SKIL: variants seen among roughly 807,000 people sequenced by gnomAD.
SKIL encodes the protein ski-like protein.
A neutral mutation model predicts 69.6 loss-of-function variants in SKIL; 20 were observed. The observed-to-expected ratio is 0.29, with a 90% CI of 0.20 to 0.42. The LOEUF (loss-of-function observed/expected upper bound fraction) is 0.42. Among genes scored for constraint, SKIL ranks in the 10% least tolerant of loss-of-function variants. The pLI, the probability that SKIL is intolerant of heterozygous loss-of-function variation, is 1.00. For synonymous variants in SKIL, 310 were observed against 279.9 expected, an observed-to-expected ratio of 1.11 and a Z score of -1.08; for missense variants, 745 against 783.1, an observed-to-expected ratio of 0.95 and a Z score of 0.58.
intron 4 of SKIL, among the ~76,000 whole-genome samples, chr3:170,388,028 T>C (rs1737740027): frequency 6.6e-6 from 1 of 151,380 alleles, no homozygotes; most frequent in Non-Finnish European, 1.5e-5. Flanking sequence ...TTTTTTGGTA[T>C]GTATTTAGGA....
At position 170,360,348 on chromosome 3, in the gene SKIL, C is replaced by T; in HGVS notation, c.17C>T (p.Thr6Ile). The change falls in exon 2 of 7, where the codon ACA (threonine) becomes ATA (isoleucine). Residue 6 changes from threonine (T) to isoleucine (I), a missense_variant. Coordinates refer to ENST00000259119, the MANE Select transcript of SKIL (RefSeq NM_005414.5). ...GAGTGTACCATGGAAAACCTCCAGACAAATTTCTCCTTGGTTCAGGGCTCA... is the reference window on the plus strand; with the variant it reads ...GAGTGTACCATGGAAAACCTCCAGATAAATTTCTCCTTGGTTCAGGGCTCA... MENLQ[T>I]NFSLVQGSTK... is the part of the protein sequence containing the mutation. 6.4e-7 allele frequency: 1 copy of T among 1,559,780 alleles called. No homozygotes were observed.
chr3:170,374,264 GAGGAA>G (rs773322875), intron 2 of SKIL, among the ~76,000 whole-genome samples: 6 of 45,104 alleles, frequency 1.3e-4, no homozygotes, highest in Non-Finnish European at 2.4e-4. Flanking sequence ...TATGACCTAA[GAGGAA>G]AGAACCTTTG....
rs1738112962 is a variant in SKIL at position 170,394,851 on chromosome 3, A to G, written c.*2434A>G. ...TATAGAGATTTTGTAATACCTTATA[A>G]GTGGAGTTGGCTAAAATACCTTATC... On this transcript the variant is annotated 3_prime_UTR_variant, in exon 7 of 7. Transcript: ENST00000259119. 6.6e-6 allele frequency: 1 copy of G among 152,192 alleles called. No individual in the cohort carries two copies. Among genetic ancestry groups the G allele is most frequent in the African/African-American group, 2.4e-5 (1 of 41,452 alleles). The allele number at this position is 152,192 out of a possible 1,614,324, so 9.4% of individuals were successfully genotyped here.
At chr3:170,369,161 C>T (rs1439220629) in intron 2 of SKIL, among the ~76,000 whole-genome samples, 5 of 146,914 alleles carry the variant, frequency 3.4e-5, no homozygotes, top group African/African-American at 7.6e-5. Context: ...GGAAATAGAG[C>T]CTCTTTATTT....
intron 2 of SKIL, among the ~76,000 whole-genome samples, chr3:170,378,143 G>A (rs1053067161): frequency 2.0e-5 from 3 of 152,042 alleles, no homozygotes; most frequent in East Asian, 1.9e-4. Flanking sequence ...TGCCTGCCTT[G>A]GCCTCCCAAA....
At chr3:170,358,210 G>T (rs868260664) in intron 1 of SKIL, among the ~76,000 whole-genome samples, 105 of 152,296 alleles carry the variant, frequency 6.9e-4, no homozygotes, top group African/African-American at 2.4e-3. Context: ...TCTGGCCCGG[G>T]GCTGGCGCGG....
At chr3:170,385,523 G>A (rs1230314287) in intron 4 of SKIL, among the ~76,000 whole-genome samples, 1 of 152,100 alleles carries the variant, frequency 6.6e-6, no homozygotes, top group African/African-American at 2.4e-5. Flanking sequence ...TGAAAGCTCT[G>A]GGGGCCAGGC....
At chr3:170,387,650 G>A (rs1235049962) in intron 4 of SKIL, among the ~76,000 whole-genome samples, 3 of 150,952 alleles carry the variant, frequency 2.0e-5, no homozygotes, top group African/African-American at 4.9e-5. Context: ...TAGGCCGGGC[G>A]CGGTGGCTCA....
chr3:170,367,503 G>T (rs1419644768), intron 2 of SKIL, among the ~76,000 whole-genome samples: 2 of 140,286 alleles, frequency 1.4e-5, no homozygotes, highest in Non-Finnish European at 1.5e-5. Flanking sequence ...TTTCGCCCTT[G>T]TTGCCCAGGC....
At chr3:170,359,555 T>A (rs1410762334) in intron 1 of SKIL, 144 bp from the exon 2 acceptor site, 3 of 150,134 alleles carry the variant, frequency 2.0e-5, no homozygotes, top group Non-Finnish European at 4.4e-5. Context: ...CCGAGATCGC[T>A]GCACTTCAGC....
rs960889280 is a variant in SKIL at position 170,395,074 on chromosome 3, A to C, written c.*2657A>C. ...GCTGCATTAAAGGGACAACCTATAA[A>C]AAGTTTTGCTAGCTCATCTTTAGAA... is the stretch of plus-strand genomic sequence containing the variant. On this transcript the variant is annotated 3_prime_UTR_variant, in exon 7 of 7. Transcript: ENST00000259119. The C allele has an allele frequency of 3.3e-5, 5 of 152,168 alleles. No homozygotes were observed. The highest frequency in any genetic ancestry group is 6.5e-5 in the Admixed American group (1 of 15,276). The allele number at this position is 152,168 out of a possible 1,614,324, so 9.4% of individuals were successfully genotyped here. A position where few individuals can be genotyped will look rare whatever the true frequency, so the allele number is the denominator to read the frequency against.
At chr3:170,366,969 T>C (rs1736561348) in intron 2 of SKIL, among the ~76,000 whole-genome samples, 2 of 152,250 alleles carry the variant, frequency 1.3e-5, no homozygotes, top group African/African-American at 4.8e-5. Context: ...TTGTTGAATA[T>C]TACGTTTGTA....
chr3:170,384,568 C>T lies in SKIL; in HGVS notation c.1232C>T (p.Pro411Leu). ...YLYMCDKVVA[P>L]NVSLTSAVSQ... ...TACATGTGTGATAAAGTGGTTGCCC[C>T]AAATGTGTCACTTACTTCTGCTGTA... Residue 411 changes from proline to leucine, a missense_variant, in exon 4 of 7, where the codon CCA becomes CTA. By Grantham distance (98) the Pro-to-Leu change is moderately conservative (BLOSUM62 -3). Transcript: ENST00000259119. 1.2e-6 allele frequency: 2 copies of T among 1,610,600 alleles called. No individual in the cohort carries two copies. The highest frequency in any genetic ancestry group is 8.5e-7 in the Non-Finnish European group (1 of 1,177,926).
chr3:170,375,336 A>T (rs1366856632), intron 2 of SKIL, among the ~76,000 whole-genome samples: 1 of 152,210 alleles, frequency 6.6e-6, no homozygotes, highest in African/African-American at 2.4e-5. Context: ...TGGCACCTGA[A>T]GTTTAGAGAC....
chr3:170,392,117 G>A (rs1737956828), intron 6 of SKIL, 142 bp from the exon 7 acceptor site: 2 of 625,416 alleles, frequency 3.2e-6, no homozygotes, highest in Admixed American at 6.5e-5. Flanking sequence ...CAGATTAATA[G>A]TATTAGATGC....
At chr3:170,358,991 A>G (rs909816855) in intron 1 of SKIL, among the ~76,000 whole-genome samples, 2 of 152,188 alleles carry the variant, frequency 1.3e-5, no homozygotes, top group African/African-American at 4.8e-5. Flanking sequence ...TATGGTAGAT[A>G]TGTTAACTCC....
rs915565576 is a variant in SKIL, at chr3:170,394,902, C to T, written c.*2485C>T. On this transcript the variant is annotated 3_prime_UTR_variant, in exon 7 of 7. Transcript: ENST00000259119. ...CATATAAAACTTATTCTATTCTTTGCATGCTTATTTTGTGTGTTGGTTGCT... is the reference window on the plus strand; with the variant it reads ...CATATAAAACTTATTCTATTCTTTGTATGCTTATTTTGTGTGTTGGTTGCT... The T allele has an allele frequency of 1.2e-4, 18 of 152,120 alleles. 1 individual carries two copies. The highest frequency in any genetic ancestry group is 2.9e-5 in the Non-Finnish European group (2 of 68,014). The allele number at this position is 152,120 out of a possible 1,614,324, so 9.4% of individuals were successfully genotyped here. A position where few individuals can be genotyped will look rare whatever the true frequency, so the allele number is the denominator to read the frequency against.
At chr3:170,390,528 C>T (rs1737862128) in intron 5 of SKIL, 64 bp downstream of exon 5, 4 of 1,386,454 alleles carry the variant, frequency 2.9e-6, no homozygotes, top group South Asian at 1.3e-5. Flanking sequence ...GCTCTGTCGC[C>T]CAGGCTGGAG....
intron 2 of SKIL, among the ~76,000 whole-genome samples, chr3:170,373,049 G>A (rs138892916): frequency 0.057 from 8,616 of 149,962 alleles, 337 homozygotes; most frequent in Admixed American, 0.089. Flanking sequence ...GTTCAGTGGC[G>A]TGATCTCGGC....
Sources: gnomAD v4.1 joint callset for allele counts (sites outside exome capture counted in the v4.1 genomes callset) on GRCh38, gnomAD v4.1.1 for gene constraint, MANE v1.5 for transcripts, NCBI Gene and HGNC (gene_info 2026-07-23, HGNC 2026-07-21) for gene names.